ARRB1: variants seen among roughly 807,000 people sequenced by gnomAD.
The protein encoded by ARRB1 is beta-arrestin-1.
A neutral mutation model predicts 56.8 loss-of-function variants in ARRB1; 21 were observed. The observed-to-expected ratio is 0.37, with a 90% confidence interval of 0.26 to 0.53. The LOEUF is 0.53. ARRB1 is among the 20% of genes least tolerant of loss of function. The pLI is 0.88. For synonymous variants in ARRB1, 210 were observed against 218.6 expected (o/e 0.96, Z 0.35); for missense variants, 424 against 553.7 (o/e 0.77, Z 2.35).
chr11:75,349,663 C>T (rs1947818483), intron 1 of ARRB1, among the ~76,000 whole-genome samples: 2 of 152,224 alleles, frequency 1.3e-5, no homozygotes, highest in African/African-American at 4.8e-5. Context: ...GGAAGAAAAG[C>T]CTGACCTCAT....
rs1946397023 is a variant in ARRB1 at position 75,283,498 on chromosome 11, G to A, written c.158-15C>T. On this transcript the variant is annotated splice_polypyrimidine_tract_variant and intron_variant, in intron 4 of 15. Coordinates refer to ENST00000420843, the MANE Select transcript of ARRB1 (RefSeq NM_004041.5). ...CGTCACATAGACTGTGGGGAGCGAG[G>A]AGCACTGAGGAGGGGCCTGGGAGAG... 1 of 1,587,520 alleles carries A rather than the reference G, an allele frequency of 6.3e-7. No homozygotes were observed. The highest frequency in any genetic ancestry group is 1.3e-5 in the African/African-American group (1 of 74,430).
At chr11:75,340,312 C>T (rs1947675261) in intron 1 of ARRB1, among the ~76,000 whole-genome samples, 1 of 152,182 alleles carries the variant, frequency 6.6e-6, no homozygotes, top group South Asian at 2.1e-4. Flanking sequence ...GAGGCCTGCA[C>T]TGAGGAAGCA....
intron 1 of ARRB1, among the ~76,000 whole-genome samples, chr11:75,301,876 G>C (rs1469473555): frequency 6.6e-6 from 1 of 152,130 alleles, no homozygotes; most frequent in Non-Finnish European, 1.5e-5. Flanking sequence ...TGCTTCTCAG[G>C]ACAGCCCAGG....
At chr11:75,345,734 C>T (rs1490907761) in intron 1 of ARRB1, among the ~76,000 whole-genome samples, 2 of 152,198 alleles carry the variant, frequency 1.3e-5, no homozygotes, top group Admixed American at 6.5e-5. Flanking sequence ...GGAGTCAGGA[C>T]CCCACCCCTC....
intron 1 of ARRB1, among the ~76,000 whole-genome samples, chr11:75,338,065 A>C (rs1349742693): frequency 6.6e-6 from 1 of 152,186 alleles, no homozygotes; most frequent in Non-Finnish European, 1.5e-5. Flanking sequence ...AGGAAGATCC[A>C]AAAAAGTCAA....
chr11:75,273,433 T>G (rs1419666952), intron 11 of ARRB1, among the ~76,000 whole-genome samples: 2 of 151,920 alleles, frequency 1.3e-5, no homozygotes, highest in Non-Finnish European at 2.9e-5. Context: ...ATGGGTAGGG[T>G]GTGAGCCAGG....
At chr11:75,277,320 A>G (rs764872839) in intron 9 of ARRB1, 44 bp downstream of exon 9, 8 of 1,580,330 alleles carry the variant, frequency 5.1e-6, no homozygotes, top group Non-Finnish European at 7.0e-6. Flanking sequence ...CCTTGGGAAG[A>G]TTGCCTCTCG....
At chr11:75,273,324 G>A (rs1946113701) in intron 11 of ARRB1, among the ~76,000 whole-genome samples, 1 of 147,184 alleles carries the variant, frequency 6.8e-6, no homozygotes, top group Non-Finnish European at 1.5e-5. Context: ...AGGGCCACAC[G>A]GGGAGTTCAC....
intron 1 of ARRB1, among the ~76,000 whole-genome samples, chr11:75,302,738 A>G (rs896116255): frequency 2.0e-5 from 3 of 152,210 alleles, no homozygotes; most frequent in African/African-American, 4.8e-5. Context: ...GATCCCCAGT[A>G]GTGACTCAAC....
intron 1 of ARRB1, among the ~76,000 whole-genome samples, chr11:75,327,259 G>A (rs191267377): frequency 1.9e-4 from 24 of 125,358 alleles, no homozygotes; most frequent in African/African-American, 6.7e-4. Flanking sequence ...CCGAGATGGC[G>A]CCACTGCACT....
intron 15 of ARRB1, 99 bp from the exon 16 acceptor site, chr11:75,266,373 G>T: frequency 1.0e-6 from 1 of 980,134 alleles, no homozygotes; most frequent in South Asian, 1.4e-5. Context: ...TATGGCTCTG[G>T]GGCCGGGGAG....
Position 75,282,087 on chromosome 11 carries a change from G to T in ARRB1, c.355-66C>A. ...CCACTGTCCTGTCTCATGTATTGCA[G>T]CCCAGACACTCCCATACACCCATCA... On this transcript the variant is annotated intron_variant, in intron 5 of 15. Coordinates refer to ENST00000420843, the MANE Select transcript of ARRB1 (RefSeq NM_004041.5). The T allele has an allele frequency of 5.1e-6, 8 of 1,554,620 alleles. 1 individual carries two copies. The highest frequency in any genetic ancestry group is 6.2e-6 in the Non-Finnish European group (7 of 1,128,156).
intron 8 of ARRB1, 50 bp from the exon 9 acceptor site, chr11:75,277,498 T>C (rs1946227500): frequency 1.3e-6 from 2 of 1,534,346 alleles, no homozygotes; most frequent in South Asian, 2.2e-5. Flanking sequence ...AGCAAGGTTC[T>C]AGGGAAAGGG....
intron 1 of ARRB1, among the ~76,000 whole-genome samples, chr11:75,305,493 A>G (rs1947007915): frequency 6.6e-6 from 1 of 152,188 alleles, no homozygotes; most frequent in Non-Finnish European, 1.5e-5. Flanking sequence ...CTGCACATTC[A>G]GTGACTTCAC....
chr11:75,338,946 A>C (rs1947654460), intron 1 of ARRB1, among the ~76,000 whole-genome samples: 2 of 152,152 alleles, frequency 1.3e-5, no homozygotes, highest in African/African-American at 4.8e-5. Flanking sequence ...GTAACCGAGA[A>C]AGGATGAACA....
chr11:75,332,171 T>A (rs979816740), intron 1 of ARRB1, among the ~76,000 whole-genome samples: 8 of 152,026 alleles, frequency 5.3e-5, no homozygotes, highest in African/African-American at 1.9e-4. Context: ...TCAGTCTACC[T>A]GCACCCAGGT....
At chr11:75,349,858 G>A (rs1217763580) in intron 1 of ARRB1, among the ~76,000 whole-genome samples, 1 of 152,246 alleles carries the variant, frequency 6.6e-6, no homozygotes, top group Non-Finnish European at 1.5e-5. Context: ...TGGGCCTCCA[G>A]CACAGAGCAG....
Position 75,260,846 on chromosome 11 carries a change from A to C in ARRB1, c.*5317T>G, listed in dbSNP as rs960592729. ...TGCCCTCAAAGGAGGGACTTTTGTC[A>C]TAAAATCCTCCCTGAGTCTGTCTTT... is the stretch of plus-strand genomic sequence containing the variant. On this transcript the variant is annotated 3_prime_UTR_variant, in exon 16 of 16. Transcript: ENST00000420843. The C allele has an allele frequency of 3.3e-5, 5 of 152,176 alleles. No homozygotes were observed. The highest frequency in any genetic ancestry group is 7.3e-5 in the Non-Finnish European group (5 of 68,040). The allele number at this position is 152,176 out of a possible 1,614,324, so 9.4% of individuals were successfully genotyped here. A position where few individuals can be genotyped will look rare whatever the true frequency, so the allele number is the denominator to read the frequency against.
intron 1 of ARRB1, among the ~76,000 whole-genome samples, chr11:75,313,051 G>A (rs760156895): frequency 1.6e-4 from 25 of 152,184 alleles, no homozygotes; most frequent in Non-Finnish European, 2.8e-4. Context: ...GAGGCTCACA[G>A]AAGGCTCATA....
Sources: gnomAD v4.1 joint callset for allele counts (sites outside exome capture counted in the v4.1 genomes callset) on GRCh38, gnomAD v4.1.1 for gene constraint, MANE v1.5 for transcripts, NCBI Gene and HGNC (gene_info 2026-07-23, HGNC 2026-07-21) for gene names.